Variants in TNKS2 observed in about 807,000 individuals in gnomAD.
TNKS2 encodes the protein tankyrase 2, also known as poly [ADP-ribose] polymerase tankyrase-2.
TNKS2 carries 72 observed loss-of-function variants against 137.6 expected under a neutral mutation model. That is an observed-to-expected ratio of 0.52 (90% CI 0.43 to 0.64). TNKS2 has a LOEUF of 0.64. TNKS2 is among the 30% of genes least tolerant of loss of function. The pLI is 0.00. For missense variants in TNKS2, 1,049 were observed against 1,410.2 expected, an observed-to-expected ratio of 0.74 and a Z score of 4.10; for synonymous variants, 516 against 512.1, an observed-to-expected ratio of 1.01 and a Z score of -0.10.
chr10:91,801,545 C>T (rs1303762429), intron 1 of TNKS2, among the ~76,000 whole-genome samples: 1 of 151,966 alleles, frequency 6.6e-6, no homozygotes. Context: ...ACGATCTCAG[C>T]TCACTGCAAC....
At chr10:91,827,771 G>A (rs1845112604) in intron 8 of TNKS2, among the ~76,000 whole-genome samples, 1 of 152,188 alleles carries the variant, frequency 6.6e-6, no homozygotes, top group Admixed American at 6.5e-5. Context: ...CAAGTCTGAT[G>A]AGTAAAAGAG....
chr10:91,841,771 T>G lies in TNKS2; in HGVS notation c.1839+323T>G, dbSNP rs535556788. Among the ~76,000 whole-genome samples, 8 of 152,262 alleles carry G rather than the reference T, an allele frequency of 5.3e-5. No individual in the cohort carries two copies. In the South Asian group the frequency reaches 1.7e-3, roughly 32 times the overall value. ...TTATTTACTTACAAGCCAGATTTAT[T>G]TAGCATTGATAAAATGGATGATACT... is the stretch of plus-strand genomic sequence containing the variant. On this transcript the variant is annotated intron_variant, in intron 15 of 26. Coordinates refer to ENST00000371627, the MANE Select transcript of TNKS2 (RefSeq NM_025235.4).
chr10:91,811,904 C>T (rs1257746256), intron 1 of TNKS2, among the ~76,000 whole-genome samples: 1 of 151,964 alleles, frequency 6.6e-6, no homozygotes, highest in Non-Finnish European at 1.5e-5. Context: ...CTAAAAAATA[C>T]AAAAAATTAG....
Position 91,840,672 on chromosome 10 carries a change from C to T in TNKS2, c.1639C>T (p.Gln547Ter). ...NRVSVVEYLL[Q>*]HGADVHAKDK... ...AGTGTCCGTGGTGGAATATCTGCTA[C>T]AGCATGGAGCTGATGTGCATGCTAA... The change falls in exon 14 of 27, where the codon CAG becomes TAG. Residue 547 changes from glutamine to a stop codon, truncating the protein, a stop_gained. Transcript: ENST00000371627. LOFTEE classifies it high-confidence loss of function. The T allele has an allele frequency of 6.2e-7, 1 of 1,614,106 alleles. No individual in the cohort carries two copies. The highest frequency in any genetic ancestry group is 8.5e-7 in the Non-Finnish European group (1 of 1,180,000).
At chr10:91,812,743 A>G (rs1844549617) in intron 1 of TNKS2, 1 of 984,344 alleles carries the variant, frequency 1.0e-6, no homozygotes, top group Admixed American at 6.1e-5. Flanking sequence ...TGAGGTTAGC[A>G]GTAGTAGTAC....
intron 2 of TNKS2, among the ~76,000 whole-genome samples, chr10:91,814,647 A>G (rs2133603576): frequency 6.6e-6 from 1 of 152,278 alleles, no homozygotes; most frequent in East Asian, 1.9e-4. Context: ...CTATATTTAG[A>G]CATACTTAGT....
At chr10:91,848,725 A>G in intron 19 of TNKS2, 90 bp downstream of exon 19, 2 of 1,431,580 alleles carry the variant, frequency 1.4e-6, no homozygotes, top group South Asian at 1.3e-5. Flanking sequence ...TTAACCTTAA[A>G]TACAAGGTAT....
rs146099973 is a variant in TNKS2 at position 91,854,772 on chromosome 10, G to A, written c.2816-257G>A. ...TACAAAATTAGCCAGTCGTGGTAGC[G>A]AATGCCTGTAATCTCAGGTACCCGG... On this transcript the variant is annotated intron_variant, in intron 21 of 26. Transcript: ENST00000371627. Among the ~76,000 whole-genome samples, 183 of 151,836 alleles carry A rather than the reference G, an allele frequency of 1.2e-3. 4 individuals are homozygous for A. The East Asian group carries it at 0.034, about 28-fold the overall frequency.
chr10:91,861,360 A>G (rs954198748), intron 25 of TNKS2, among the ~76,000 whole-genome samples: 3 of 152,220 alleles, frequency 2.0e-5, no homozygotes, highest in Non-Finnish European at 4.4e-5. Context: ...AATTGGAGCC[A>G]TTGTACAGAA....
chr10:91,831,186 A>G lies in TNKS2; in HGVS notation c.1275+5A>G. The G allele has an allele frequency of 1.2e-6, 2 of 1,612,818 alleles. No individual in the cohort carries two copies. The highest frequency in any genetic ancestry group is 1.7e-6 in the Non-Finnish European group (2 of 1,179,074). ...GTGGTGAAACATGAAGCAAAGGTAT[A>G]CTTCCTTTTTGGTAATCTTTGGTAA... On this transcript the variant is annotated splice_donor_5th_base_variant and intron_variant, in intron 11 of 26. Transcript: ENST00000371627.
chr10:91,808,067 A>G (rs376016575), intron 1 of TNKS2, among the ~76,000 whole-genome samples: 2 of 151,722 alleles, frequency 1.3e-5, no homozygotes, highest in Admixed American at 6.6e-5. Context: ...AAATACTGCT[A>G]TGAACAGCAA....
intron 22 of TNKS2, 61 bp downstream of exon 22, chr10:91,855,187 C>A: frequency 9.5e-7 from 1 of 1,050,946 alleles, no homozygotes; most frequent in Admixed American, 1.9e-5. Flanking sequence ...TTTGTATCCT[C>A]TTGTTTCTTT....
intron 14 of TNKS2, 98 bp downstream of exon 14, chr10:91,840,804 C>T: frequency 1.6e-6 from 2 of 1,270,198 alleles, no homozygotes; most frequent in Non-Finnish European, 2.2e-6. Context: ...TCAAGAAAGC[C>T]TGTTTCCTAA....
chr10:91,830,633 G>A (rs1845216765), intron 9 of TNKS2, among the ~76,000 whole-genome samples: 1 of 152,128 alleles, frequency 6.6e-6, no homozygotes. Flanking sequence ...AAAGGATATT[G>A]GTCACATTAA....
In TNKS2 at chr10:91,841,415, A is replaced by T. The variant is rs1228581039; in HGVS notation, c.1806A>T (p.Lys602Asn). Residue 602 changes from lysine to asparagine, a missense_variant, in exon 15 of 27, where the codon AAA becomes AAT. By Grantham distance (94) the Lys-to-Asn change is moderately conservative (BLOSUM62 0). Transcript: ENST00000371627. ...CACCTTTACATGAAGCAGCAGCAAA[A>T]GGAAAATATGAAATTTGCAAACTTC... is the stretch of plus-strand genomic sequence containing the variant. ...KFTPLHEAAA[K>N]GKYEICKLLL... The T allele has an allele frequency of 6.2e-7, 1 of 1,608,436 alleles. No homozygotes were observed. Among genetic ancestry groups the T allele is most frequent in the African/African-American group, 1.3e-5 (1 of 74,784 alleles).
chr10:91,853,191 A>G (rs1842602655), intron 21 of TNKS2, among the ~76,000 whole-genome samples: 1 of 152,200 alleles, frequency 6.6e-6, no homozygotes, highest in Non-Finnish European at 1.5e-5. Flanking sequence ...TATCATAGCT[A>G]TTAGGACTGC....
intron 1 of TNKS2, among the ~76,000 whole-genome samples, chr10:91,804,718 A>G (rs989313648): frequency 1.3e-5 from 2 of 152,312 alleles, no homozygotes; most frequent in East Asian, 1.9e-4. Flanking sequence ...TAGAGATTTT[A>G]TCAAGGATTA....
At chr10:91,862,813 GA>G in intron 26 of TNKS2, 123 bp from the exon 27 acceptor site, 1 of 630,650 alleles carries the variant, frequency 1.6e-6, no homozygotes, top group Non-Finnish European at 2.8e-6. Flanking sequence ...AATGTCCCTA[GA>G]TGATTCTGAT....
intron 6 of TNKS2, among the ~76,000 whole-genome samples, chr10:91,821,517 A>G (rs1308657748): frequency 6.6e-6 from 1 of 152,184 alleles, no homozygotes; most frequent in East Asian, 1.9e-4. Flanking sequence ...ATCCCTTACC[A>G]GAGTTTGGCA....
Sources: gnomAD v4.1 joint callset for allele counts (sites outside exome capture counted in the v4.1 genomes callset) on GRCh38, gnomAD v4.1.1 for gene constraint, MANE v1.5 for transcripts, NCBI Gene and HGNC (gene_info 2026-07-23, HGNC 2026-07-21) for gene names.